The following PCLO variants were observed in gnomAD, a reference collection of about 807,000 sequenced individuals.
The protein encoded by PCLO is protein piccolo.
In PCLO, 82 loss-of-function variants were observed where a neutral mutation model predicts 427.5. The observed-to-expected ratio is 0.19, with a 90% confidence interval of 0.16 to 0.23. PCLO has a LOEUF of 0.23. Among genes scored for constraint, PCLO ranks in the 10% least tolerant of loss-of-function variants. The pLI is 1.00. For synonymous variants in PCLO, 2,357 were observed against 2,155.4 expected, an observed-to-expected ratio of 1.09 and a Z score of -2.59; for missense variants, 6,239 against 6,115.9, an observed-to-expected ratio of 1.02 and a Z score of -0.67.
intron 3 of PCLO, among the ~76,000 whole-genome samples, chr7:82,983,041 A>C (rs1348029414): frequency 6.6e-6 from 1 of 151,722 alleles, no homozygotes; most frequent in East Asian, 1.9e-4. Flanking sequence ...ATGAGGTAAA[A>C]GTTACCTAGT....
Position 83,018,737 on chromosome 7 carries a change from T to C in PCLO, c.3301-52250A>G, listed in dbSNP as rs117622616. Among the ~76,000 whole-genome samples the C allele has an allele frequency of 1.8e-4, 28 of 152,134 alleles. No homozygotes were observed. The East Asian group carries it at 5.2e-3, about 28-fold the overall frequency. ...ACTGTATTCTGAGTTGGTGGTTGAT[T>C]GCTTGCTTTGATTTTACACAAACAC... On this transcript the variant is annotated intron_variant, in intron 3 of 24. Transcript: ENST00000333891.
Position 83,154,972 on chromosome 7 carries a change from G to A in PCLO, c.1669C>T (p.Pro557Ser). 1 of 1,614,018 alleles carries A rather than the reference G, an allele frequency of 6.2e-7. No individual in the cohort carries two copies. The highest frequency in any genetic ancestry group is 8.5e-7 in the Non-Finnish European group (1 of 1,179,896). Reference sequence around the variant, plus strand: ...TTTCCAGATCCTGTTTGGCTTACTGGTTTTGTAGATTGCTGAGCCGAGGGC... The same window carrying A: ...TTTCCAGATCCTGTTTGGCTTACTGATTTTGTAGATTGCTGAGCCGAGGGC... ...AKPSAQQSTKPVSQTGSGKPL... is the reference protein window; with the variant it reads ...AKPSAQQSTKSVSQTGSGKPL... The change falls in exon 2 of 25, where the codon CCA becomes TCA. Residue 557 changes from proline to serine, a missense_variant. Around this residue, in one of 5 missense-constraint regions of PCLO, gnomAD observed 4,677 missense variants for 4,468.4 expected, o/e 1.05. Transcript: ENST00000333891.
chr7:82,841,216 C>T (rs1179727971), intron 14 of PCLO, among the ~76,000 whole-genome samples: 2 of 151,992 alleles, frequency 1.3e-5, no homozygotes, highest in Non-Finnish European at 2.9e-5. Context: ...AGGCACAAAA[C>T]ATGTTGACAC....
Position 83,134,825 on chromosome 7 carries a change from G to T in PCLO, c.2725C>A (p.Leu909Met). Residue 909 changes from leucine to methionine, a missense_variant, in exon 3 of 25, where the codon CTG becomes ATG. By Grantham distance (15) the Leu-to-Met change is conservative. Coordinates refer to ENST00000333891, the MANE Select transcript of PCLO (RefSeq NM_033026.6). ...QEQSRRFSLN[L>M]GSITDAPKSQ... Reference sequence around the variant, plus strand: ...TTGGGGGCATCAGTAATACTTCCCAGATTCAGACTGAAACGCCTTGACTGC... The same window carrying T: ...TTGGGGGCATCAGTAATACTTCCCATATTCAGACTGAAACGCCTTGACTGC... 1 of 1,613,322 alleles carries T rather than the reference G, an allele frequency of 6.2e-7. No individual in the cohort carries two copies. Among genetic ancestry groups the T allele is most frequent in the Non-Finnish European group, 8.5e-7 (1 of 1,179,540 alleles).
At chr7:82,885,074 C>T (rs565924523) in intron 9 of PCLO, among the ~76,000 whole-genome samples, 5 of 152,198 alleles carry the variant, frequency 3.3e-5, no homozygotes, top group East Asian at 1.9e-4. Context: ...TATTCCCTTC[C>T]GTTTGAGTGA....
intron 10 of PCLO, among the ~76,000 whole-genome samples, chr7:82,878,671 T>C (rs950289191): frequency 3.3e-5 from 5 of 152,212 alleles, no homozygotes; most frequent in Non-Finnish European, 7.3e-5. Flanking sequence ...CTAATGATCA[T>C]TACTTTAAAA....
At chr7:83,126,647 C>A (rs534696667) in intron 3 of PCLO, among the ~76,000 whole-genome samples, 17 of 151,934 alleles carry the variant, frequency 1.1e-4, no homozygotes, top group Non-Finnish European at 2.4e-4. Flanking sequence ...AAGGGAAAAT[C>A]ATTTCCAGAT....
intron 10 of PCLO, chr7:82,868,263 T>C (rs1011426833): frequency 4.8e-5 from 22 of 456,096 alleles, no homozygotes; most frequent in Non-Finnish European, 8.4e-5. Flanking sequence ...TTCTTCCTTA[T>C]GTTATGCTGG....
At chr7:82,888,711 C>T (rs1793685440) in intron 9 of PCLO, among the ~76,000 whole-genome samples, 1 of 152,082 alleles carries the variant, frequency 6.6e-6, no homozygotes, top group African/African-American at 2.4e-5. Flanking sequence ...TCTACTGGGC[C>T]CAACATATTC....
At chr7:82,903,632 G>A (rs1443258068) in intron 8 of PCLO, among the ~76,000 whole-genome samples, 2 of 151,846 alleles carry the variant, frequency 1.3e-5, no homozygotes, top group Non-Finnish European at 2.9e-5. Context: ...GACAGAAATA[G>A]TAAGATATTT....
At chr7:82,942,201 G>T (rs1177927442) in intron 6 of PCLO, among the ~76,000 whole-genome samples, 1 of 152,136 alleles carries the variant, frequency 6.6e-6, no homozygotes, top group Non-Finnish European at 1.5e-5. Flanking sequence ...GAACTGTTAA[G>T]AAACTAATAT....
chr7:83,000,268 T>TGAGAGAGAGAGAGAGA (rs145445022), intron 3 of PCLO, among the ~76,000 whole-genome samples: 7 of 54,112 alleles, frequency 1.3e-4, no homozygotes, highest in African/African-American at 5.0e-4. Context: ...TTCAAAGTGT[T>TGAGAGAGAGAGAGAGA]GAGAGAGAGA....
chr7:82,899,715 A>G (rs1458593843), intron 9 of PCLO, among the ~76,000 whole-genome samples: 1 of 151,576 alleles, frequency 6.6e-6, no homozygotes, highest in Non-Finnish European at 1.5e-5. Context: ...TACTTTTGAG[A>G]CTAGAATATT....
intron 6 of PCLO, among the ~76,000 whole-genome samples, chr7:82,932,468 T>TAC (rs1309102585): frequency 6.6e-6 from 1 of 152,044 alleles, no homozygotes; most frequent in Non-Finnish European, 1.5e-5. Flanking sequence ...ATATGGGAGG[T>TAC]ACATTAGTGA....
chr7:83,146,303 ATTGT>A (rs1195111990), intron 2 of PCLO, among the ~76,000 whole-genome samples: 1 of 152,194 alleles, frequency 6.6e-6, no homozygotes, highest in Non-Finnish European at 1.5e-5. Flanking sequence ...CAGAACCCAT[ATTGT>A]TTGACACCTT....
intron 3 of PCLO, among the ~76,000 whole-genome samples, chr7:82,969,386 T>C (rs2115688122): frequency 6.6e-6 from 1 of 152,244 alleles, no homozygotes; most frequent in East Asian, 1.9e-4. Context: ...ATAAAAGATC[T>C]TATCCTGAGA....
intron 14 of PCLO, among the ~76,000 whole-genome samples, chr7:82,840,790 A>G (rs1792347075): frequency 6.6e-6 from 1 of 151,986 alleles, no homozygotes; most frequent in African/African-American, 2.4e-5. Flanking sequence ...TTACTATTTT[A>G]TAGTGTTAAT....
intron 20 of PCLO, among the ~76,000 whole-genome samples, chr7:82,807,284 G>T (rs1253894341): frequency 6.6e-6 from 1 of 152,186 alleles, no homozygotes; most frequent in Non-Finnish European, 1.5e-5. Context: ...AAATCTAGAT[G>T]TGTTCAAACC....
At position 82,954,663 on chromosome 7, in the gene PCLO, T is replaced by C. The variant is rs1214051706; in HGVS notation, c.6290A>G (p.Asp2097Gly). Reference protein sequence around the residue: ...IGEDMTESTMDFDRMPDASLT... With the variant: ...IGEDMTESTMGFDRMPDASLT... ...AGAGGCATCTGGCATTCTGTCAAAG[T>C]CCATGGTGGACTCTGTCATATCCTC... Residue 2097 changes from aspartate to glycine, a missense_variant, in exon 5 of 25, where the codon GAC (aspartate) becomes GGC (glycine). Transcript: ENST00000333891. 4 of 1,613,828 alleles carry C rather than the reference T, an allele frequency of 2.5e-6. No individual in the cohort carries two copies. In the African/African-American group the frequency reaches 4.0e-5, roughly 16 times the overall value.
Sources: gnomAD v4.1 joint callset for allele counts (sites outside exome capture counted in the v4.1 genomes callset) on GRCh38, gnomAD v4.1.1 for gene constraint, gnomAD v4.1.1 regional missense constraint, MANE v1.5 for transcripts, NCBI Gene and HGNC (gene_info 2026-07-23, HGNC 2026-07-21) for gene names.